LSM3: variants seen among roughly 807,000 people sequenced by gnomAD.
LSM3 encodes LSM3 homolog, U6 small nuclear RNA and mRNA degradation associated.
In LSM3, 14 loss-of-function variants were observed where a neutral mutation model predicts 15.4. That is an observed-to-expected ratio of 0.91 (90% confidence interval 0.60 to 1.42). The LOEUF (loss-of-function observed/expected upper bound fraction) is 1.42. Among genes scored for constraint, LSM3 ranks in the 40% most tolerant of loss-of-function variants. The probability of loss-of-function intolerance (pLI) is 0.00; values close to 1 mark genes in which losing one functional copy is unlikely to be tolerated. For synonymous variants in LSM3, 46 were observed against 45.1 expected, an observed-to-expected ratio of 1.02 and a Z score of -0.08; for missense variants, 88 against 127.9, an observed-to-expected ratio of 0.69 and a Z score of 1.50.
rs761670333 is a variant in LSM3, at chr3:14,198,108, G to C, written c.301G>C (p.Val101Leu). 1 of 1,613,014 alleles carries C rather than the reference G, an allele frequency of 6.2e-7. No homozygotes were observed. The highest frequency in any genetic ancestry group is 1.1e-5 in the South Asian group (1 of 91,038). ...TGTCCTGGTTGCCCCTCCACTGAGAGTTGGCTGAAACAAAGAATTTGTCCT... is the reference window on the plus strand; with the variant it reads ...TGTCCTGGTTGCCCCTCCACTGAGACTTGGCTGAAACAAAGAATTTGTCCT... ...GVVLVAPPLRVG is the reference protein window; with the variant it reads ...GVVLVAPPLRLG The change falls in exon 4 of 4, where the codon GTT becomes CTT. Residue 101 changes from valine to leucine, a missense_variant. Physicochemically the swap from Val to Leu is conservative, Grantham distance 32 (BLOSUM62 1). Coordinates refer to ENST00000306024, the MANE Select transcript of LSM3 (RefSeq NM_014463.3).
At chr3:14,184,705 C>T (rs1159511259) in intron 3 of LSM3, among the ~76,000 whole-genome samples, 2 of 144,100 alleles carry the variant, frequency 1.4e-5, no homozygotes, top group Admixed American at 1.4e-4. Flanking sequence ...TGCAGTGAGC[C>T]GAGATCCCGC....
In LSM3 at chr3:14,181,647, C is replaced by T. The variant is rs139645084; in HGVS notation, c.109C>T (p.Arg37Ter). The change falls in exon 2 of 4, where the codon CGA (arginine) becomes TGA (stop). Residue 37 changes from arginine to a stop codon, truncating the protein, a stop_gained. Coordinates refer to ENST00000306024, the MANE Select transcript of LSM3 (RefSeq NM_014463.3). LOFTEE classifies it high-confidence loss of function. ...ERIYVKMRND[R>*]ELRGRLHAYD... is the part of the protein sequence containing the mutation. ...AATTTATGTGAAAATGAGAAATGAC[C>T]GAGAGCTTCGAGGCAGATTACATGT... 41 of 1,613,060 alleles carry T rather than the reference C, an allele frequency of 2.5e-5. No individual in the cohort carries two copies. Among genetic ancestry groups the T allele is most frequent in the Non-Finnish European group, 3.2e-5 (38 of 1,179,232 alleles).
Position 14,181,559 on chromosome 3 carries a change from G to A in LSM3, c.22-1G>A, listed in dbSNP as rs373338299. 20 of 1,597,106 alleles carry A rather than the reference G, an allele frequency of 1.3e-5. No homozygotes were observed. The highest frequency in any genetic ancestry group is 1.6e-5 in the Non-Finnish European group (19 of 1,164,924). ...ATTACTAATCCTGTTTCTTTTATCA[G>A]CAACAAACTACCAACACTGTAGAGG... On this transcript the variant is annotated splice_acceptor_variant, in intron 1 of 3. Coordinates refer to ENST00000306024, the MANE Select transcript of LSM3 (RefSeq NM_014463.3). LOFTEE classifies it high-confidence loss of function.
intron 1 of LSM3, 103 bp downstream of exon 1, chr3:14,178,984 C>A: frequency 7.8e-7 from 1 of 1,283,652 alleles, no homozygotes; most frequent in Non-Finnish European, 1.1e-6. Flanking sequence ...CTCCAAGTCA[C>A]CATGGCCTAA....
chr3:14,184,853 C>T (rs1574987985), intron 3 of LSM3, among the ~76,000 whole-genome samples: 4 of 151,638 alleles, frequency 2.6e-5, no homozygotes, highest in Admixed American at 2.6e-4. Flanking sequence ...GTCAGGAGTT[C>T]GAGACCAGCC....
chr3:14,190,632 A>C lies in LSM3; in HGVS notation c.228+6600A>C, dbSNP rs536755033. Among the ~76,000 whole-genome samples the C allele has an allele frequency of 2.0e-5, 3 of 152,290 alleles. No homozygotes were observed. In the South Asian group the frequency reaches 6.2e-4, roughly 32 times the overall value. On this transcript the variant is annotated intron_variant, in intron 3 of 3. Transcript: ENST00000306024. ...ATAGGAATGCTTGTGATTTTTGCAC[A>C]TTGATTTTGTATCCTGAGACTTCGC...
intron 2 of LSM3, among the ~76,000 whole-genome samples, chr3:14,183,486 G>A (rs1697058987): frequency 6.6e-6 from 1 of 152,110 alleles, no homozygotes; most frequent in African/African-American, 2.4e-5. Context: ...AGACTGCAAT[G>A]GCATTATCTT....
chr3:14,190,231 T>G (rs1171939461), intron 3 of LSM3, among the ~76,000 whole-genome samples: 1 of 152,240 alleles, frequency 6.6e-6, no homozygotes, highest in Non-Finnish European at 1.5e-5. Context: ...TCAAGTAGTA[T>G]GATGCCTCCA....
chr3:14,187,700 A>C (rs1697101883), intron 3 of LSM3, among the ~76,000 whole-genome samples: 1 of 152,144 alleles, frequency 6.6e-6, no homozygotes, highest in African/African-American at 2.4e-5. Context: ...TCAACGTTTT[A>C]CCACCAAAAC....
intron 1 of LSM3, among the ~76,000 whole-genome samples, chr3:14,180,400 TG>T (rs1191167655): frequency 6.6e-6 from 1 of 152,042 alleles, no homozygotes; most frequent in African/African-American, 2.4e-5. Context: ...GTGATTCTCC[TG>T]TCTCAGCCTC....
At chr3:14,184,706 G>A (rs1264469014) in intron 3 of LSM3, among the ~76,000 whole-genome samples, 18 of 148,348 alleles carry the variant, frequency 1.2e-4, no homozygotes, top group East Asian at 4.0e-4. Context: ...GCAGTGAGCC[G>A]AGATCCCGCC....
At position 14,184,529 on chromosome 3, in the gene LSM3, C is replaced by T. The variant is rs549664996; in HGVS notation, c.228+497C>T. On this transcript the variant is annotated intron_variant, in intron 3 of 3. Transcript: ENST00000306024. ...CAGCACTTTGGGAGGCCGAGGCGGG[C>T]GGATCACGAGGTCAGGAGATCGAGA... is the stretch of plus-strand genomic sequence containing the variant. Among the ~76,000 whole-genome samples, 1,207 of 148,908 alleles carry T rather than the reference C, an allele frequency of 8.1e-3. 11 individuals carry two copies. Among genetic ancestry groups the T allele is most frequent in the Non-Finnish European group, 0.013 (890 of 67,074 alleles).
chr3:14,182,355 A>G (rs1239085884), intron 2 of LSM3, among the ~76,000 whole-genome samples: 1 of 149,596 alleles, frequency 6.7e-6, no homozygotes, highest in African/African-American at 2.5e-5. Context: ...TTTTTCACTT[A>G]ATCTTTCTTG....
Position 14,178,825 on chromosome 3 carries a change from C to A in LSM3, c.-36C>A. 4 of 1,614,060 alleles carry A rather than the reference C, an allele frequency of 2.5e-6. No homozygotes were observed. Among genetic ancestry groups the A allele is most frequent in the Non-Finnish European group, 3.4e-6 (4 of 1,179,880 alleles). On this transcript the variant is annotated 5_prime_UTR_variant, in exon 1 of 4. Coordinates refer to ENST00000306024, the MANE Select transcript of LSM3 (RefSeq NM_014463.3). ...CGGAGATTGACGTTGCTCTTGTGTT[C>A]TCGCGAGAGGCGGGAAAGGGCGCAG...
intron 3 of LSM3, among the ~76,000 whole-genome samples, chr3:14,189,166 T>C (rs1469678087): frequency 6.6e-6 from 1 of 152,208 alleles, no homozygotes; most frequent in Non-Finnish European, 1.5e-5. Flanking sequence ...TATTCCATGG[T>C]GTATATGTGC....
intron 3 of LSM3, among the ~76,000 whole-genome samples, chr3:14,193,621 C>T (rs1168973946): frequency 6.6e-6 from 1 of 152,184 alleles, no homozygotes; most frequent in Admixed American, 6.5e-5. Flanking sequence ...TGTTTTTCAG[C>T]TCCATCAGGC....
chr3:14,186,623 T>G (rs1014115362), intron 3 of LSM3, among the ~76,000 whole-genome samples: 8 of 152,182 alleles, frequency 5.3e-5, no homozygotes, highest in African/African-American at 1.9e-4. Context: ...ACTTATTTAT[T>G]TATGTATTTT....
chr3:14,179,126 C>T (rs1039540321), intron 1 of LSM3, among the ~76,000 whole-genome samples: 5 of 152,176 alleles, frequency 3.3e-5, no homozygotes, highest in African/African-American at 1.2e-4. Flanking sequence ...AGATTATTAT[C>T]CTTAGCTACC....
chr3:14,188,303 C>T (rs1297817412), intron 3 of LSM3, among the ~76,000 whole-genome samples: 1 of 152,180 alleles, frequency 6.6e-6, no homozygotes, highest in Non-Finnish European at 1.5e-5. Context: ...GACCTGCTCC[C>T]TCATACATAA....
Sources: gnomAD v4.1 joint callset for allele counts (sites outside exome capture counted in the v4.1 genomes callset) on GRCh38, gnomAD v4.1.1 for gene constraint, MANE v1.5 for transcripts, NCBI Gene and HGNC (gene_info 2026-07-23, HGNC 2026-07-21) for gene names.